TMEM151B: variants seen among roughly 807,000 people sequenced by gnomAD.
The protein encoded by TMEM151B is transmembrane protein 193.
In TMEM151B, 18 loss-of-function variants were observed where a neutral mutation model predicts 33.0. That is an observed-to-expected ratio of 0.55 (90% CI 0.38 to 0.81). TMEM151B has a LOEUF of 0.81. Among genes scored for constraint, TMEM151B ranks in the 30% least tolerant of loss-of-function variants. TMEM151B has a pLI of 0.00. For missense variants in TMEM151B, 672 were observed against 843.4 expected (o/e 0.80, Z 2.52); for synonymous variants, 354 against 373.6 (o/e 0.95, Z 0.61).
chr6:44,276,260 T>C lies in TMEM151B; in HGVS notation c.1434T>C (p.Arg478=). ...GGGGCAGCCGCTTCTCGCTGGGCCG[T>C]CTCTACGGCTCCCGGCGCAGCTGCC... is the stretch of plus-strand genomic sequence containing the variant. ...GCGGSRFSLG[R]LYGSRRSCLW... The change falls in exon 3 of 3, where the codon CGT becomes CGC. Residue 478 remains arginine (R), a synonymous_variant. Transcript: ENST00000451188. 1 of 1,326,508 alleles carries C rather than the reference T, an allele frequency of 7.5e-7. No homozygotes were observed. The highest frequency in any genetic ancestry group is 2.0e-5 in the South Asian group (1 of 49,648). 82.2% of individuals were successfully genotyped at this position (1,326,508 alleles called of 1,614,324 possible). A position where few individuals can be genotyped will look rare whatever the true frequency, so the allele number is the denominator to read the frequency against.
At position 44,273,482 on chromosome 6, in the gene TMEM151B, T is replaced by C. The variant is rs1339600237; in HGVS notation, c.552T>C (p.Asn184=). 5.8e-6 allele frequency: 9 copies of C among 1,549,214 alleles called. 1 individual carries two copies. The African/African-American group carries it at 1.1e-4, about 19-fold the overall frequency. Residue 184 remains asparagine, a synonymous_variant, in exon 2 of 3, where the codon AAT becomes AAC. Coordinates refer to ENST00000451188, the MANE Select transcript of TMEM151B (RefSeq NM_001137560.2). ...RRTRQVTRYR[N]GDAYTTTQVY... is the part of the protein sequence containing the mutation. The stretch of plus-strand genomic sequence containing the variant: ...CCCGCCAGGTCACCAGATACCGCAA[T>C]GGAGACGCCTATACCACCACCCAGG...
intron 1 of TMEM151B, among the ~76,000 whole-genome samples, chr6:44,271,708 T>C (rs771575288): frequency 7.2e-5 from 11 of 152,202 alleles, no homozygotes; most frequent in Non-Finnish European, 1.3e-4. Context: ...AATCTCCTTG[T>C]CCACATGTAC....
chr6:44,275,750 C>T lies in TMEM151B; in HGVS notation c.924C>T (p.Leu308=). ...CSSAFWAAAL[L]TLSWPLRVLA... The stretch of plus-strand genomic sequence containing the variant: ...CGGCCTTCTGGGCCGCGGCGCTGCT[C>T]ACGCTGTCGTGGCCGCTGCGAGTGC... Residue 308 remains leucine (L), a synonymous_variant, in exon 3 of 3, where the codon CTC becomes CTT. Coordinates refer to ENST00000451188, the MANE Select transcript of TMEM151B (RefSeq NM_001137560.2). 1.9e-6 allele frequency: 3 copies of T among 1,546,258 alleles called. No homozygotes were observed. Among genetic ancestry groups the T allele is most frequent in the Non-Finnish European group, 2.6e-6 (3 of 1,145,184 alleles).
Position 44,275,385 on chromosome 6 carries a change from C to T in TMEM151B, c.577-18C>T, listed in dbSNP as rs368469303. On this transcript the variant is annotated intron_variant, in intron 2 of 2. Transcript: ENST00000451188. Reference sequence around the variant, plus strand: ...GACGGGCTCCCCGCGACCCCGCCGCCTGCCCCCCGCGCCGCAGGTCTACCA... The same window carrying T: ...GACGGGCTCCCCGCGACCCCGCCGCTTGCCCCCCGCGCCGCAGGTCTACCA... 9 of 1,480,496 alleles carry T rather than the reference C, an allele frequency of 6.1e-6. No homozygotes were observed. The highest frequency in any genetic ancestry group is 8.1e-6 in the Non-Finnish European group (9 of 1,113,868). The allele number at this position is 1,480,496 out of a possible 1,614,324, so 91.7% of individuals were successfully genotyped here.
Position 44,275,635 on chromosome 6 carries a change from G to A in TMEM151B, c.809G>A (p.Arg270His), listed in dbSNP as rs1482275095. ...NEGLDDYMEAREGMHLKNVDF... is the reference protein window; with the variant it reads ...NEGLDDYMEAHEGMHLKNVDF... ...GGCCTAGACGACTACATGGAGGCAC[G>A]CGAGGGCATGCACCTCAAGAACGTG... The change falls in exon 3 of 3, where the codon CGC becomes CAC. Residue 270 changes from arginine to histidine, a missense_variant. Physicochemically the swap from Arg to His is conservative, Grantham distance 29. This residue lies in a region of TMEM151B where 285 missense variants were observed against 423.1 expected (regional missense o/e 0.67). Coordinates refer to ENST00000451188, the MANE Select transcript of TMEM151B (RefSeq NM_001137560.2). 5 of 1,551,266 alleles carry A rather than the reference G, an allele frequency of 3.2e-6. No homozygotes were observed. The highest frequency in any genetic ancestry group is 2.4e-5 in the East Asian group (1 of 40,894).
intron 1 of TMEM151B, 44 bp from the exon 2 acceptor site, chr6:44,273,022 C>T (rs1454661788): frequency 6.9e-7 from 1 of 1,452,334 alleles, no homozygotes; most frequent in Non-Finnish European, 9.1e-7. Flanking sequence ...TGCCTGCTCT[C>T]ACTTCCCACT....
In TMEM151B at chr6:44,277,268, GGTGC is replaced by G. The variant is rs1782629697; in HGVS notation, c.*742_*745del. The G allele has an allele frequency of 6.6e-6, 1 of 152,332 alleles. No homozygotes were observed. The highest frequency in any genetic ancestry group is 2.4e-5 in the African/African-American group (1 of 41,460). 9.4% of individuals were successfully genotyped at this position (152,332 alleles called of 1,614,324 possible). On this transcript the variant is annotated 3_prime_UTR_variant, in exon 3 of 3. Coordinates refer to ENST00000451188, the MANE Select transcript of TMEM151B (RefSeq NM_001137560.2). ...CCCAGTCCTGCAGAGCTGTTGCCAG[GGTGC>G]AGTGGGGAGGGGAGTGAAATGTGGA... is the stretch of plus-strand genomic sequence containing the variant.
In TMEM151B at chr6:44,270,506, A is replaced by T; in HGVS notation, c.-237A>T. 6.0e-6 allele frequency: 1 copy of T among 167,406 alleles called. No individual in the cohort carries two copies. The highest frequency in any genetic ancestry group is 1.3e-5 in the Non-Finnish European group (1 of 79,832). The allele number at this position is 167,406 out of a possible 1,614,324, so 10.4% of individuals were successfully genotyped here. A position where few individuals can be genotyped will look rare whatever the true frequency, so the allele number is the denominator to read the frequency against. On this transcript the variant is annotated 5_prime_UTR_variant, in exon 1 of 3. Coordinates refer to ENST00000451188, the MANE Select transcript of TMEM151B (RefSeq NM_001137560.2). ...GGCGGAGCGGCGCCGCGAGGGCCTCAAGGTGACACCCGCCCCCGGCCCCGG... is the reference window on the plus strand; with the variant it reads ...GGCGGAGCGGCGCCGCGAGGGCCTCTAGGTGACACCCGCCCCCGGCCCCGG...
In TMEM151B at chr6:44,273,520, G is replaced by A. The variant is rs1415261122; in HGVS notation, c.576+14G>A. 6.5e-7 allele frequency: 1 copy of A among 1,529,762 alleles called. No homozygotes were observed. The highest frequency in any genetic ancestry group is 1.4e-5 in the African/African-American group (1 of 72,760). The allele number at this position is 1,529,762 out of a possible 1,614,324, so 94.8% of individuals were successfully genotyped here. A position where few individuals can be genotyped will look rare whatever the true frequency, so the allele number is the denominator to read the frequency against. On this transcript the variant is annotated intron_variant, in intron 2 of 2. Coordinates refer to ENST00000451188, the MANE Select transcript of TMEM151B (RefSeq NM_001137560.2). ...ACCACCACCCAGGTGAGGAGCTGGT[G>A]GGGAGTGCAGGACATTCAACATGGG...
At position 44,276,066 on chromosome 6, in the gene TMEM151B, C is replaced by G. The variant is rs1225689677; in HGVS notation, c.1240C>G (p.Arg414Gly). The G allele has an allele frequency of 3.6e-5, 48 of 1,336,796 alleles. No individual in the cohort carries two copies. In the East Asian group the frequency reaches 1.4e-3, roughly 39 times the overall value. The allele number at this position is 1,336,796 out of a possible 1,614,324, so 82.8% of individuals were successfully genotyped here. The change falls in exon 3 of 3, where the codon CGC becomes GGC. Residue 414 changes from arginine to glycine, a missense_variant. Physicochemically the swap from Arg to Gly is moderately radical, Grantham distance 125. Transcript: ENST00000451188. ...GAGGGYAPSC[R>G]YGGVGGPGAA... Reference sequence around the variant, plus strand: ...AGGCGGCGGCTACGCGCCCTCGTGCCGCTACGGTGGGGTAGGCGGCCCGGG... The same window carrying G: ...AGGCGGCGGCTACGCGCCCTCGTGCGGCTACGGTGGGGTAGGCGGCCCGGG...
In TMEM151B at chr6:44,278,786, G is replaced by T. The variant is rs544239813; in HGVS notation, c.*2259G>T. The T allele has an allele frequency of 6.6e-6, 1 of 152,078 alleles. No homozygotes were observed. Among genetic ancestry groups the T allele is most frequent in the South Asian group, 2.1e-4 (1 of 4,820 alleles). The allele number at this position is 152,078 out of a possible 1,614,324, so 9.4% of individuals were successfully genotyped here. On this transcript the variant is annotated 3_prime_UTR_variant, in exon 3 of 3. Coordinates refer to ENST00000451188, the MANE Select transcript of TMEM151B (RefSeq NM_001137560.2). ...TGATTGCCAGGGAAAATGAAAACCA[G>T]AAAATTAATTAATCTCTAAAATTAA...
intron 1 of TMEM151B, among the ~76,000 whole-genome samples, chr6:44,271,749 C>T (rs1397564918): frequency 7.9e-5 from 12 of 152,188 alleles, no homozygotes; most frequent in Admixed American, 7.9e-4. Flanking sequence ...GCCTAACTAT[C>T]CATACTTCTA....
At chr6:44,271,046 G>A (rs2153336510) in intron 1 of TMEM151B, among the ~76,000 whole-genome samples, 169 bp downstream of exon 1, 1 of 150,038 alleles carries the variant, frequency 6.7e-6, no homozygotes, top group African/African-American at 2.4e-5. Flanking sequence ...GGCCGGAGCT[G>A]TCCGCGGTGC....
Position 44,270,800 on chromosome 6 carries a change from G to A in TMEM151B, c.58G>A (p.Gly20Ser). 1.8e-6 allele frequency: 2 copies of A among 1,134,180 alleles called. No homozygotes were observed. The highest frequency in any genetic ancestry group is 2.2e-6 in the Non-Finnish European group (2 of 925,528). The allele number at this position is 1,134,180 out of a possible 1,614,324, so 70.3% of individuals were successfully genotyped here. ...CGCCGCCGGCGGCGGCGGCGGCGGT[G>A]GCGGCCCCGGGGTCTCGGAGGAGCT... is the stretch of plus-strand genomic sequence containing the variant. ...ESAAGGGGGGGGPGVSEELTA... is the reference protein window; with the variant it reads ...ESAAGGGGGGSGPGVSEELTA... The change falls in exon 1 of 3, where the codon GGC becomes AGC. Residue 20 changes from glycine (G) to serine (S), a missense_variant. By Grantham distance (56) the Gly-to-Ser change is moderately conservative. Coordinates refer to ENST00000451188, the MANE Select transcript of TMEM151B (RefSeq NM_001137560.2).
At chr6:44,274,679 A>G (rs949985056) in intron 2 of TMEM151B, among the ~76,000 whole-genome samples, 1 of 152,192 alleles carries the variant, frequency 6.6e-6, no homozygotes. Flanking sequence ...ACACAATTGT[A>G]AAAGGGAAGA....
Position 44,275,840 on chromosome 6 carries a change from G to A in TMEM151B, c.1014G>A (p.Pro338=). The A allele has an allele frequency of 6.5e-7, 1 of 1,542,052 alleles. No individual in the cohort carries two copies. Among genetic ancestry groups the A allele is most frequent in the Non-Finnish European group, 8.7e-7 (1 of 1,145,814 alleles). ...AGAAGCTATTTGGCCTGGAGGGCCC[G>A]GGCTCGGCCAGCAGCGCAGGCGGTG... ...HVEKLFGLEG[P]GSASSAGGGL... The change falls in exon 3 of 3, where the codon CCG becomes CCA. Residue 338 remains proline (P), a synonymous_variant. Coordinates refer to ENST00000451188, the MANE Select transcript of TMEM151B (RefSeq NM_001137560.2).
At chr6:44,274,100 G>A (rs963593378) in intron 2 of TMEM151B, among the ~76,000 whole-genome samples, 5 of 151,956 alleles carry the variant, frequency 3.3e-5, no homozygotes, top group African/African-American at 9.7e-5. Flanking sequence ...CTGTAGTCCC[G>A]GCTACTCAGG....
chr6:44,275,316 C>T (rs2153338136), intron 2 of TMEM151B, 87 bp from the exon 3 acceptor site: 2 of 1,436,964 alleles, frequency 1.4e-6, no homozygotes, highest in Non-Finnish European at 1.8e-6. Flanking sequence ...AACCAGAGCA[C>T]AGATGGGGCG....
At chr6:44,275,194 T>C (rs1371290768) in intron 2 of TMEM151B, among the ~76,000 whole-genome samples, 2 of 151,074 alleles carry the variant, frequency 1.3e-5, no homozygotes, top group Admixed American at 6.6e-5. Flanking sequence ...TCTAGTCCGG[T>C]CATCACGTCT....
Sources: gnomAD v4.1 joint callset for allele counts (sites outside exome capture counted in the v4.1 genomes callset) on GRCh38, gnomAD v4.1.1 for gene constraint, gnomAD v4.1.1 regional missense constraint, MANE v1.5 for transcripts, NCBI Gene and HGNC (gene_info 2026-07-23, HGNC 2026-07-21) for gene names.